The following MSH3 variants were observed in gnomAD, a reference collection of about 807,000 sequenced individuals.
MSH3 encodes the protein mutS homolog 3, also known as DNA mismatch repair protein Msh3.
In MSH3, 106 loss-of-function variants were observed where a neutral mutation model predicts 123.3. That is an observed-to-expected ratio of 0.86 (90% confidence interval 0.73 to 1.01). MSH3 has a LOEUF of 1.01. Among genes scored for constraint, MSH3 ranks in the 50% least tolerant of loss-of-function variants. MSH3 has a pLI of 0.00. For synonymous variants in MSH3, 515 were observed against 481.4 expected (o/e 1.07, Z -0.91); for missense variants, 1,459 against 1,347.6 (o/e 1.08, Z -1.29).
At chr5:80,858,902 A>G (rs1211591575) in intron 21 of MSH3, among the ~76,000 whole-genome samples, 1 of 152,134 alleles carries the variant, frequency 6.6e-6, no homozygotes, top group Admixed American at 6.5e-5. Flanking sequence ...AAATGCATAC[A>G]TGTTAAGGAT....
intron 12 of MSH3, among the ~76,000 whole-genome samples, chr5:80,749,708 C>T (rs1396357585): frequency 1.3e-5 from 2 of 152,072 alleles, no homozygotes; most frequent in African/African-American, 4.8e-5. Flanking sequence ...AAACATTTAT[C>T]ATTTTTTTTT....
intron 20 of MSH3, among the ~76,000 whole-genome samples, chr5:80,837,660 T>C (rs573044391): frequency 6.6e-6 from 1 of 152,316 alleles, no homozygotes; most frequent in East Asian, 1.9e-4. Flanking sequence ...GAATTCTCAT[T>C]TTCATATTTA....
intron 6 of MSH3, among the ~76,000 whole-genome samples, chr5:80,674,585 C>G (rs764269453): frequency 2.0e-5 from 3 of 152,106 alleles, no homozygotes; most frequent in African/African-American, 7.2e-5. Context: ...AAGTAAGATA[C>G]TGGTTATCTG....
intron 19 of MSH3, among the ~76,000 whole-genome samples, chr5:80,809,342 T>G (rs1001997131): frequency 2.2e-4 from 33 of 151,358 alleles, no homozygotes; most frequent in Admixed American, 2.0e-3. Flanking sequence ...TTAAATTATT[T>G]TAGTTTACCA....
At chr5:80,785,926 G>A (rs1316745100) in intron 17 of MSH3, among the ~76,000 whole-genome samples, 1 of 150,708 alleles carries the variant, frequency 6.6e-6, no homozygotes, top group Non-Finnish European at 1.5e-5. Flanking sequence ...TTACTCACAG[G>A]TGGGAATTGA....
intron 18 of MSH3, among the ~76,000 whole-genome samples, chr5:80,789,718 G>A (rs560208119): frequency 1.3e-5 from 2 of 152,230 alleles, no homozygotes; most frequent in East Asian, 3.9e-4. Context: ...GATTTTATTA[G>A]CCAGATATAT....
intron 20 of MSH3, among the ~76,000 whole-genome samples, chr5:80,833,792 C>T (rs183605544): frequency 6.5e-4 from 99 of 152,234 alleles, no homozygotes; most frequent in African/African-American, 2.1e-3. Flanking sequence ...TGATTTTAGG[C>T]GTGAGCCACT....
At chr5:80,707,672 C>CA (rs770349989) in intron 8 of MSH3, among the ~76,000 whole-genome samples, 5 of 152,182 alleles carry the variant, frequency 3.3e-5, no homozygotes, top group Non-Finnish European at 7.3e-5. Flanking sequence ...GTTGAGGCTT[C>CA]AGTGAGCCAT....
At chr5:80,679,894 A>G (rs567837457) in intron 8 of MSH3, among the ~76,000 whole-genome samples, 1 of 152,146 alleles carries the variant, frequency 6.6e-6, no homozygotes. Flanking sequence ...AGTAGACTGT[A>G]TATTGACGAA....
chr5:80,812,899 G>T (rs1302880736), intron 19 of MSH3, among the ~76,000 whole-genome samples: 1 of 152,078 alleles, frequency 6.6e-6, no homozygotes, highest in Non-Finnish European at 1.5e-5. Context: ...CCAAAATGTG[G>T]GATTCACATA....
rs140549621 is a variant in MSH3, at chr5:80,785,312, G to A, written c.2436-2253G>A. 3.7e-4 allele frequency among the ~76,000 whole-genome samples: 56 copies of A among 152,258 alleles called. 1 individual carries two copies. The East Asian group carries it at 8.7e-3, about 24-fold the overall frequency. ...GTAGAAAGTAGGCACCTTCTGATCC[G>A]TGGTCAGACGCGTTACCCATTGCGC... is the stretch of plus-strand genomic sequence containing the variant. On this transcript the variant is annotated intron_variant, in intron 17 of 23. Transcript: ENST00000265081.
intron 20 of MSH3, among the ~76,000 whole-genome samples, chr5:80,826,844 CG>C (rs11349108): frequency 0.7 from 106,820 of 151,888 alleles, 37,574 homozygotes; most frequent in South Asian, 0.8. Flanking sequence ...CCACCGCGCC[CG>C]GCCTCCAGAA....
intron 21 of MSH3, among the ~76,000 whole-genome samples, chr5:80,861,774 C>T (rs1746016798): frequency 6.6e-6 from 1 of 152,134 alleles, no homozygotes; most frequent in Non-Finnish European, 1.5e-5. Context: ...TACCCTGATA[C>T]TGGTTCCTTC....
chr5:80,768,280 A>G (rs1164148167), intron 14 of MSH3, among the ~76,000 whole-genome samples, 160 bp downstream of exon 14: 1 of 152,170 alleles, frequency 6.6e-6, no homozygotes, highest in East Asian at 1.9e-4. Context: ...GTGTTACATT[A>G]CAGCTGGAAT....
At chr5:80,775,952 T>C (rs1259662330) in intron 16 of MSH3, among the ~76,000 whole-genome samples, 194 bp downstream of exon 16, 1 of 151,870 alleles carries the variant, frequency 6.6e-6, no homozygotes, top group East Asian at 1.9e-4. Context: ...TGTAGTGGTA[T>C]GATCTCAGCT....
At chr5:80,689,405 T>C (rs1299382619) in intron 8 of MSH3, among the ~76,000 whole-genome samples, 1 of 152,154 alleles carries the variant, frequency 6.6e-6, no homozygotes, top group Non-Finnish European at 1.5e-5. Context: ...TTAATACATG[T>C]TTGTTGTAAA....
intron 19 of MSH3, among the ~76,000 whole-genome samples, chr5:80,807,795 C>T (rs1035478867): frequency 4.6e-5 from 7 of 152,342 alleles, no homozygotes; most frequent in African/African-American, 1.7e-4. Context: ...CATCACAGGG[C>T]ACACTAACAG....
chr5:80,869,660 A>G (rs1182380905), intron 22 of MSH3, among the ~76,000 whole-genome samples: 1 of 151,890 alleles, frequency 6.6e-6, no homozygotes, highest in African/African-American at 2.4e-5. Context: ...TATGTTAACA[A>G]GGTATTCAGA....
intron 20 of MSH3, among the ~76,000 whole-genome samples, chr5:80,833,703 A>G (rs1472603218): frequency 6.6e-6 from 1 of 152,208 alleles, no homozygotes; most frequent in African/African-American, 2.4e-5. Flanking sequence ...AGCCTCCCAA[A>G]GTGCTGGGAT....
Sources: allele counts gnomAD v4.1 joint callset (sites outside exome capture counted in the v4.1 genomes callset), GRCh38; gene constraint gnomAD v4.1.1; transcripts MANE v1.5; gene names NCBI Gene and HGNC (gene_info 2026-07-23, HGNC 2026-07-21).